CEP63: variants seen among roughly 807,000 people sequenced by gnomAD.
The protein encoded by CEP63 is centrosomal protein 63, also known as centrosomal protein of 63 kDa.
A neutral mutation model predicts 89.1 loss-of-function variants in CEP63; 84 were observed. The observed-to-expected ratio is 0.94, with a 90% confidence interval of 0.79 to 1.13. CEP63 has a LOEUF of 1.13. CEP63 is among the 50% of genes most tolerant of loss of function. The pLI is 0.00. For missense variants in CEP63, 838 were observed against 813.3 expected, an observed-to-expected ratio of 1.03 and a Z score of -0.37; for synonymous variants, 267 against 272.5, an observed-to-expected ratio of 0.98 and a Z score of 0.20.
the CEP63 span, among the ~76,000 whole-genome samples, chr3:134,696,629 TTGG>T: frequency 6.6e-6 from 1 of 152,128 alleles, no homozygotes; most frequent in Non-Finnish European, 1.5e-5. Context: ...CAACTAAGCA[TTGG>T]TGGTATTATG....
chr3:134,572,052 C>T (rs766215496), intron 11 of CEP63, among the ~76,000 whole-genome samples: 6 of 152,172 alleles, frequency 3.9e-5, no homozygotes, highest in South Asian at 2.1e-4. Context: ...GTTTTTCCCA[C>T]CCAAGTTCAT....
the CEP63 span, among the ~76,000 whole-genome samples, chr3:134,689,118 C>A: frequency 2.0e-5 from 3 of 152,142 alleles, no homozygotes; most frequent in Non-Finnish European, 2.9e-5. Flanking sequence ...GCTCTTGAAT[C>A]TCCTGTTGGC....
the CEP63 span, among the ~76,000 whole-genome samples, chr3:134,606,830 C>T: frequency 6.6e-6 from 1 of 151,792 alleles, no homozygotes; most frequent in Non-Finnish European, 1.5e-5. Context: ...CTCCTCCTCC[C>T]CTCTCCCCTC....
chr3:134,578,644 T>C (rs1043052838), downstream of CEP63, among the ~76,000 whole-genome samples: 4 of 152,108 alleles, frequency 2.6e-5, no homozygotes, highest in Non-Finnish European at 5.9e-5. Flanking sequence ...CTGTGATTGA[T>C]TTGCATTTCT....
chr3:134,754,335 G>A, the CEP63 span, among the ~76,000 whole-genome samples: 142,066 of 152,278 alleles, frequency 0.93, 67,053 homozygotes, highest in East Asian at 1. Context: ...ATATTCGCCC[G>A]CCAGGAATCT....
chr3:134,495,232 TAAGTTAG>T lies in CEP63; in HGVS notation c.-25-61_-25-55del, dbSNP rs556951291. 5.2e-4 allele frequency: 593 copies of T among 1,134,594 alleles called. 11 individuals are homozygous for T. In the South Asian group the frequency reaches 7.2e-3, roughly 14 times the overall value. 70.3% of individuals were successfully genotyped at this position (1,134,594 alleles called of 1,614,324 possible). A position where few individuals can be genotyped will look rare whatever the true frequency, so the allele number is the denominator to read the frequency against. On this transcript the variant is annotated intron_variant, in intron 1 of 14. Coordinates refer to ENST00000675561, the MANE Select transcript of CEP63 (RefSeq NM_001353108.3). The stretch of plus-strand genomic sequence containing the variant: ...TGCTTTCATTCACATTCTTAAGTTG[TAAGTTAG>T]AATGTTAGAACTGAAGAAATGAATT...
chr3:134,558,731 G>A (rs147949470), intron 13 of CEP63, among the ~76,000 whole-genome samples: 57 of 152,202 alleles, frequency 3.7e-4, no homozygotes, highest in African/African-American at 1.2e-3. Flanking sequence ...ATAAGCATTC[G>A]GTGAAAAGCC....
chr3:134,607,734 G>T, the CEP63 span: 4 of 985,798 alleles, frequency 4.1e-6, no homozygotes, highest in Non-Finnish European at 4.8e-6. Flanking sequence ...CCATGGCTCC[G>T]TGGTGAAGGT....
chr3:134,568,322 A>G (rs1401742320), downstream of CEP63, among the ~76,000 whole-genome samples: 1 of 152,224 alleles, frequency 6.6e-6, no homozygotes. Context: ...CATGTGTTTC[A>G]GATCCCCAAC....
chr3:134,510,607 G>A, intron 3 of CEP63: 1 of 657,266 alleles, frequency 1.5e-6, no homozygotes, highest in Non-Finnish European at 2.8e-6. Flanking sequence ...AGGTGCAGGG[G>A]TGGGAAATTG....
At chr3:134,686,517 AG>A in the CEP63 span, among the ~76,000 whole-genome samples, 2 of 152,168 alleles carry the variant, frequency 1.3e-5, no homozygotes, top group African/African-American at 2.4e-5. Context: ...GAAGCCTTGC[AG>A]GGGAAGTGGG....
chr3:134,692,233 A>G, the CEP63 span, among the ~76,000 whole-genome samples: 1 of 152,122 alleles, frequency 6.6e-6, no homozygotes, highest in Non-Finnish European at 1.5e-5. Context: ...TACATTAGGT[A>G]TATCTCCTAA....
At chr3:134,486,466 G>T in intron 1 of CEP63, 2 of 985,610 alleles carry the variant, frequency 2.0e-6, no homozygotes, top group Non-Finnish European at 2.4e-6. Flanking sequence ...GGAGTCTGGC[G>T]TGGCGCAGCC....
intron 4 of CEP63, among the ~76,000 whole-genome samples, chr3:134,532,338 A>G (rs888762616): frequency 2.0e-5 from 3 of 152,222 alleles, no homozygotes; most frequent in Non-Finnish European, 4.4e-5. Context: ...AATTCTGTCC[A>G]TTAACTCAAT....
chr3:134,753,682 GTA>G, the CEP63 span, among the ~76,000 whole-genome samples: 3 of 152,206 alleles, frequency 2.0e-5, no homozygotes, highest in Non-Finnish European at 2.9e-5. Flanking sequence ...GAGTTTGCAG[GTA>G]AGTTTTCCAG....
the CEP63 span, among the ~76,000 whole-genome samples, chr3:134,735,342 A>G: frequency 1.3e-5 from 2 of 152,142 alleles, no homozygotes; most frequent in East Asian, 1.9e-4. Context: ...CCAACAACCT[A>G]CAACTCATGC....
Position 134,486,111 on chromosome 3 carries a change from A to G in CEP63, c.-117A>G, listed in dbSNP as rs1291255669. 3 of 985,350 alleles carry G rather than the reference A, an allele frequency of 3.0e-6. No individual in the cohort carries two copies. Among genetic ancestry groups the G allele is most frequent in the Non-Finnish European group, 3.6e-6 (3 of 830,008 alleles). The allele number at this position is 985,350 out of a possible 1,614,324, so 61.0% of individuals were successfully genotyped here. On this transcript the variant is annotated 5_prime_UTR_variant, in exon 1 of 15. Coordinates refer to ENST00000675561, the MANE Select transcript of CEP63 (RefSeq NM_001353108.3). ...GGAGAAGGCATTGTTTCAATTATTA[A>G]AAGTGTGGGGGCAGTGGGCGGAACA...
At chr3:134,505,010 TA>T (rs1463104810) in intron 2 of CEP63, among the ~76,000 whole-genome samples, 1 of 152,200 alleles carries the variant, frequency 6.6e-6, no homozygotes, top group African/African-American at 2.4e-5. Context: ...TTTCAGAACA[TA>T]AATTGTTTTC....
the CEP63 span, among the ~76,000 whole-genome samples, chr3:134,766,844 G>A: frequency 6.6e-6 from 1 of 152,184 alleles, no homozygotes; most frequent in East Asian, 1.9e-4. Context: ...TTAAGTTTCA[G>A]TTTGCCCATG....
Sources: gnomAD v4.1 joint callset for allele counts (sites outside exome capture counted in the v4.1 genomes callset) on GRCh38, gnomAD v4.1.1 for gene constraint, MANE v1.5 for transcripts, NCBI Gene and HGNC (gene_info 2026-07-23, HGNC 2026-07-21) for gene names.